Variants in SGCD observed in about 807,000 individuals in gnomAD.
SGCD encodes sarcoglycan delta, also known as delta-sarcoglycan.
Under a neutral mutation model 36.6 loss-of-function variants are expected in SGCD, and 18 were observed. The ratio of observed to expected loss-of-function variants is 0.49; its 90% CI spans 0.34 to 0.73. The LOEUF is 0.73. Among genes scored for constraint, SGCD ranks in the 30% least tolerant of loss-of-function variants. SGCD has a pLI of 0.01. For synonymous variants in SGCD, 133 were observed against 130.6 expected, an observed-to-expected ratio of 1.02 and a Z score of -0.12; for missense variants, 387 against 346.7, an observed-to-expected ratio of 1.12 and a Z score of -0.92.
rs541004880 is a variant in SGCD, at chr5:156,253,941, A to G, written c.-43-75593A>G. Among the ~76,000 whole-genome samples, 367 of 152,358 alleles carry G rather than the reference A, an allele frequency of 2.4e-3. 2 individuals carry two copies. Among genetic ancestry groups the G allele is most frequent in the African/African-American group, 8.2e-3 (343 of 41,594 alleles). On this transcript the variant is annotated intron_variant, in intron 3 of 9. Coordinates refer to the SGCD transcript ENST00000517913. ...TACCAAGATTAATGAAACTATAGTCAGTGAGTAAAACAGTAAAAGCCATCT... is the reference window on the plus strand; with the variant it reads ...TACCAAGATTAATGAAACTATAGTCGGTGAGTAAAACAGTAAAAGCCATCT...
rs1297752876 is a variant in SGCD at position 155,885,005 on chromosome 5, A to G, written c.-282+14581A>G. Among the ~76,000 whole-genome samples, 2 of 117,232 alleles carry G rather than the reference A, an allele frequency of 1.7e-5. 1 individual carries two copies. Among genetic ancestry groups the G allele is most frequent in the Non-Finnish European group, 3.3e-5 (2 of 60,942 alleles). The allele number at this position is 117,232 out of a possible 152,430, so 76.9% of individuals were successfully genotyped here. A position where few individuals can be genotyped will look rare whatever the true frequency, so the allele number is the denominator to read the frequency against. On this transcript the variant is annotated intron_variant, in intron 1 of 9. Transcript: ENST00000517913. ...GAATAATGTCTGATACTTTGTTTCT[A>G]TTCTTCTCTTCATAGCATTTAGCAT...
chr5:156,179,121 A>G (rs1159030620), intron 3 of SGCD, among the ~76,000 whole-genome samples: 1 of 152,210 alleles, frequency 6.6e-6, no homozygotes, highest in African/African-American at 2.4e-5. Context: ...TATTTTTAAC[A>G]TACACATCTA....
chr5:155,823,072 ATCTATCTATCTATCTATCTATCTATC>A, the SGCD span, among the ~76,000 whole-genome samples: 2 of 141,108 alleles, frequency 1.4e-5, no homozygotes, highest in African/African-American at 2.7e-5. Flanking sequence ...ATATCTATCT[ATCTATCTATCTATCTATCTATCTATC>A]TATCTATCTA....
At chr5:156,311,735 A>T (rs1221732637) in intron 3 of SGCD, among the ~76,000 whole-genome samples, 1 of 152,092 alleles carries the variant, frequency 6.6e-6, no homozygotes, top group African/African-American at 2.4e-5. Context: ...CAGTTGAAAA[A>T]TCTTTTTTTC....
intron 1 of SGCD, among the ~76,000 whole-genome samples, chr5:155,986,251 G>T (rs1484735530): frequency 1.3e-5 from 2 of 152,148 alleles, no homozygotes; most frequent in African/African-American, 4.8e-5. Flanking sequence ...TCCATTTGCA[G>T]GTTGGTATCA....
At chr5:155,884,583 T>TTC (rs1296986768) in intron 1 of SGCD, among the ~76,000 whole-genome samples, 2 of 152,226 alleles carry the variant, frequency 1.3e-5, no homozygotes, top group African/African-American at 4.8e-5. Flanking sequence ...CTATCAAGAA[T>TTC]TTCTTGATCT....
At chr5:156,675,214 A>C (rs1672417160) in intron 7 of SGCD, among the ~76,000 whole-genome samples, 1 of 152,130 alleles carries the variant, frequency 6.6e-6, no homozygotes, top group African/African-American at 2.4e-5. Flanking sequence ...AACAGCACCA[A>C]CCTCAGAACA....
intron 3 of SGCD, among the ~76,000 whole-genome samples, chr5:156,496,750 A>G (rs376877694): frequency 6.6e-6 from 1 of 152,292 alleles, no homozygotes; most frequent in African/African-American, 2.4e-5. Context: ...AACCAATCAT[A>G]TGTAGGGAAA....
At chr5:156,654,716 A>G (rs553481898) in intron 7 of SGCD, among the ~76,000 whole-genome samples, 9 of 152,274 alleles carry the variant, frequency 5.9e-5, no homozygotes, top group African/African-American at 2.2e-4. Context: ...TCTAGCTCTA[A>G]ACAGCTAATC....
chr5:156,359,338 T>C (rs1195184218), intron 3 of SGCD, among the ~76,000 whole-genome samples: 3 of 152,228 alleles, frequency 2.0e-5, no homozygotes, highest in African/African-American at 7.2e-5. Flanking sequence ...TTGATTATTG[T>C]CATTAATTAA....
chr5:156,190,459 C>A (rs979774139), intron 3 of SGCD, among the ~76,000 whole-genome samples: 2 of 152,050 alleles, frequency 1.3e-5, no homozygotes, highest in Non-Finnish European at 2.9e-5. Flanking sequence ...GCATGAAGAA[C>A]AAAGAGGGGT....
chr5:155,849,247 CTCTCTT>C, the SGCD span, among the ~76,000 whole-genome samples: 4 of 152,134 alleles, frequency 2.6e-5, no homozygotes, highest in Non-Finnish European at 5.9e-5. Flanking sequence ...TGTTCGTTCT[CTCTCTT>C]TCTCTCTATC....
chr5:156,086,044 G>C (rs1000942792), intron 1 of SGCD, among the ~76,000 whole-genome samples: 1 of 152,088 alleles, frequency 6.6e-6, no homozygotes, highest in Non-Finnish European at 1.5e-5. Context: ...TTTTTCTATA[G>C]TTTTCATAGT....
At chr5:156,744,006 T>G (rs569732148) in intron 7 of SGCD, among the ~76,000 whole-genome samples, 16 of 152,298 alleles carry the variant, frequency 1.1e-4, no homozygotes, top group African/African-American at 2.9e-4. Context: ...TACAATGTGT[T>G]CAAGCCAAAG....
chr5:156,215,078 G>A (rs1419666374), intron 3 of SGCD, among the ~76,000 whole-genome samples: 1 of 152,058 alleles, frequency 6.6e-6, no homozygotes, highest in African/African-American at 2.4e-5. Context: ...GATGCTCAAA[G>A]GAAATGCTCA....
intron 3 of SGCD, among the ~76,000 whole-genome samples, chr5:156,257,164 A>AAAATAAATAAAT (rs71577192): frequency 0.022 from 3,201 of 148,028 alleles, 119 homozygotes; most frequent in African/African-American, 0.065. Context: ...CCCTGTCTTC[A>AAAATAAATAAAT]AAATAAATAA....
At chr5:156,205,460 G>T (rs763785132) in intron 3 of SGCD, among the ~76,000 whole-genome samples, 2 of 152,088 alleles carry the variant, frequency 1.3e-5, no homozygotes, top group Non-Finnish European at 2.9e-5. Flanking sequence ...AATTAAGCTA[G>T]ATTGTTGCAG....
intron 1 of SGCD, among the ~76,000 whole-genome samples, chr5:156,070,039 A>G (rs570308849): frequency 9.2e-5 from 14 of 151,910 alleles, no homozygotes; most frequent in African/African-American, 2.7e-4. Context: ...GGCTGAGACA[A>G]TGGGGTTTTC....
intron 7 of SGCD, among the ~76,000 whole-genome samples, chr5:156,727,832 T>A: frequency 6.6e-6 from 1 of 152,234 alleles, no homozygotes; most frequent in African/African-American, 2.4e-5. Flanking sequence ...ACCTTCCATC[T>A]TTCATACAAA....
Sources: allele counts gnomAD v4.1 joint callset (sites outside exome capture counted in the v4.1 genomes callset), GRCh38; gene constraint gnomAD v4.1.1; transcripts MANE v1.5; gene names NCBI Gene and HGNC (gene_info 2026-07-23, HGNC 2026-07-21).